NKAIN2: variants seen among roughly 807,000 people sequenced by gnomAD.
The protein encoded by NKAIN2 is sodium/potassium-transporting ATPase subunit beta-1-interacting protein 2.
In NKAIN2, 14 loss-of-function variants were observed where a neutral mutation model predicts 32.6. The observed-to-expected ratio is 0.43, with a 90% CI of 0.28 to 0.67. The LOEUF is 0.67. Among genes scored for constraint, NKAIN2 ranks in the 30% least tolerant of loss-of-function variants. The probability of loss-of-function intolerance (pLI) is 0.17; values close to 1 mark genes in which losing one functional copy is unlikely to be tolerated. For missense variants in NKAIN2, 198 were observed against 258.3 expected (o/e 0.77, Z 1.60); for synonymous variants, 80 against 87.2 (o/e 0.92, Z 0.46).
At chr6:124,375,272 C>T (rs965453251) in intron 3 of NKAIN2, among the ~76,000 whole-genome samples, 1 of 151,718 alleles carries the variant, frequency 6.6e-6, no homozygotes, top group Non-Finnish European at 1.5e-5. Flanking sequence ...CATAGTCTGG[C>T]ATTACTTTTT....
At chr6:124,684,941 G>A (rs534490314) in intron 4 of NKAIN2, among the ~76,000 whole-genome samples, 3 of 152,050 alleles carry the variant, frequency 2.0e-5, no homozygotes, top group African/African-American at 4.8e-5. Context: ...CCTCCTTCTT[G>A]TTTCCTTATC....
chr6:124,526,792 T>C (rs999906886), intron 3 of NKAIN2, among the ~76,000 whole-genome samples: 40 of 152,120 alleles, frequency 2.6e-4, no homozygotes, highest in African/African-American at 6.8e-4. Context: ...TCGAAGCTAG[T>C]GTTATTTTTT....
intron 1 of NKAIN2, among the ~76,000 whole-genome samples, chr6:123,878,332 C>A (rs1773274466): frequency 6.6e-5 from 10 of 152,086 alleles, no homozygotes; most frequent in Admixed American, 6.6e-4. Context: ...TACACTTTTC[C>A]ATTTCTTACT....
At chr6:124,731,746 A>T (rs1776689316) in intron 4 of NKAIN2, among the ~76,000 whole-genome samples, 1 of 152,090 alleles carries the variant, frequency 6.6e-6, no homozygotes, top group Non-Finnish European at 1.5e-5. Flanking sequence ...TCATGAAAAT[A>T]GAGACTTATT....
intron 1 of NKAIN2, among the ~76,000 whole-genome samples, chr6:124,073,432 T>G (rs1783548357): frequency 6.6e-6 from 1 of 152,188 alleles, no homozygotes. Context: ...ATCTAAATTA[T>G]TGTATAATTT....
chr6:124,332,141 A>T (rs1797685244), intron 2 of NKAIN2, among the ~76,000 whole-genome samples: 1 of 152,154 alleles, frequency 6.6e-6, no homozygotes, highest in Admixed American at 6.5e-5. Context: ...TGAACTGCAA[A>T]TAAAATACCT....
intron 1 of NKAIN2, among the ~76,000 whole-genome samples, chr6:124,139,178 T>C (rs1787011181): frequency 7.1e-6 from 1 of 140,762 alleles, no homozygotes; most frequent in Non-Finnish European, 1.5e-5. Flanking sequence ...AAGCTCCGCT[T>C]CCCGGGTTCA....
intron 1 of NKAIN2, among the ~76,000 whole-genome samples, chr6:124,267,602 T>G (rs962601453): frequency 6.6e-6 from 1 of 152,158 alleles, no homozygotes; most frequent in Non-Finnish European, 1.5e-5. Flanking sequence ...TTAAAATTTT[T>G]ACACAGAATT....
chr6:124,711,416 T>C (rs1187998350), intron 4 of NKAIN2, among the ~76,000 whole-genome samples: 1 of 140,996 alleles, frequency 7.1e-6, no homozygotes, highest in East Asian at 2.0e-4. Context: ...CAGAGTGTTT[T>C]CTAACTTGGT....
At chr6:124,803,269 T>C (rs1164011151) in intron 5 of NKAIN2, among the ~76,000 whole-genome samples, 1 of 152,186 alleles carries the variant, frequency 6.6e-6, no homozygotes, top group Non-Finnish European at 1.5e-5. Context: ...CAATTATTCT[T>C]TTGTCTTCTT....
intron 3 of NKAIN2, among the ~76,000 whole-genome samples, chr6:124,423,799 C>T (rs1486659164): frequency 6.6e-6 from 1 of 152,172 alleles, no homozygotes; most frequent in Non-Finnish European, 1.5e-5. Context: ...ACTCACCAGA[C>T]ACTGAATCTG....
chr6:124,457,000 T>C (rs1776348908), intron 3 of NKAIN2, among the ~76,000 whole-genome samples: 1 of 151,880 alleles, frequency 6.6e-6, no homozygotes, highest in African/African-American at 2.4e-5. Context: ...GAAAGGTTCT[T>C]GGGACACTAG....
At chr6:124,304,371 T>A (rs1285465214) in intron 2 of NKAIN2, among the ~76,000 whole-genome samples, 1 of 152,160 alleles carries the variant, frequency 6.6e-6, no homozygotes, top group African/African-American at 2.4e-5. Context: ...CTTTCCTATA[T>A]GCTTGATATA....
chr6:123,867,862 ATTTTTTTT>A lies in NKAIN2; in HGVS notation c.54+63621_54+63628del, dbSNP rs1201240894. Among the ~76,000 whole-genome samples the A allele has an allele frequency of 9.3e-5, 12 of 129,202 alleles. 1 individual carries two copies. In the East Asian group the frequency reaches 1.1e-3, roughly 12 times the overall value. 84.8% of individuals were successfully genotyped at this position (129,202 alleles called of 152,430 possible). A position where few individuals can be genotyped will look rare whatever the true frequency, so the allele number is the denominator to read the frequency against. On this transcript the variant is annotated intron_variant, in intron 1 of 6. Transcript: ENST00000368417. ...AATTATTCACTGTTGTACTGGGTTCATTTTTTTTTTTTTTTTTTTTGTTTCAGACAGAG... is the reference window on the plus strand; with the variant it reads ...AATTATTCACTGTTGTACTGGGTTCATTTTTTTTTTTTGTTTCAGACAGAG...
At chr6:124,810,127 T>G (rs1780817304) in intron 5 of NKAIN2, among the ~76,000 whole-genome samples, 1 of 152,098 alleles carries the variant, frequency 6.6e-6, no homozygotes, top group Non-Finnish European at 1.5e-5. Context: ...GCCATCCCAT[T>G]ACTGGGTATG....
rs1043433879 is a variant in NKAIN2, at chr6:124,234,037, G to T, written c.55-48968G>T. ...TTCTTCAAAATTATCCTGAAATTTA[G>T]TCCTTGGATCTATGTACCTCAGACA... On this transcript the variant is annotated intron_variant, in intron 1 of 6. Coordinates refer to ENST00000368417, the MANE Select transcript of NKAIN2 (RefSeq NM_001040214.3). Among the ~76,000 whole-genome samples, 14 of 152,008 alleles carry T rather than the reference G, an allele frequency of 9.2e-5. 1 individual carries two copies. Among genetic ancestry groups the T allele is most frequent in the Admixed American group, 8.5e-4 (13 of 15,244 alleles).
At chr6:124,010,671 A>C (rs1780281566) in intron 1 of NKAIN2, among the ~76,000 whole-genome samples, 2 of 151,830 alleles carry the variant, frequency 1.3e-5, no homozygotes, top group African/African-American at 4.8e-5. Context: ...GTTTGTATGC[A>C]GTGTGGGCTT....
At chr6:124,725,485 T>G (rs567458025) in intron 4 of NKAIN2, among the ~76,000 whole-genome samples, 19 of 152,330 alleles carry the variant, frequency 1.2e-4, no homozygotes, top group African/African-American at 4.6e-4. Flanking sequence ...TTTTTAAAAC[T>G]AAAGATCTTT....
At chr6:124,465,977 T>C (rs1386931367) in intron 3 of NKAIN2, among the ~76,000 whole-genome samples, 1 of 152,116 alleles carries the variant, frequency 6.6e-6, no homozygotes, top group Non-Finnish European at 1.5e-5. Context: ...GGAAAAAATA[T>C]ATTAAATATA....
Sources: allele counts gnomAD v4.1 joint callset (sites outside exome capture counted in the v4.1 genomes callset), GRCh38; gene constraint gnomAD v4.1.1; transcripts MANE v1.5; gene names NCBI Gene and HGNC (gene_info 2026-07-23, HGNC 2026-07-21).